Variants in CNTNAP5 observed in about 807,000 individuals in gnomAD.
CNTNAP5 encodes the protein contactin-associated protein-like 5.
CNTNAP5 carries 72 observed loss-of-function variants against 150.2 expected under a neutral mutation model. The ratio of observed to expected loss-of-function variants is 0.48; its 90% CI spans 0.40 to 0.58. CNTNAP5 has a LOEUF of 0.58. CNTNAP5 is among the 20% of genes least tolerant of loss of function. CNTNAP5 has a pLI of 0.00. For synonymous variants in CNTNAP5, 672 were observed against 619.8 expected, an observed-to-expected ratio of 1.08 and a Z score of -1.25; for missense variants, 1,636 against 1,626.2, an observed-to-expected ratio of 1.01 and a Z score of -0.10.
intron 11 of CNTNAP5, among the ~76,000 whole-genome samples, chr2:124,578,598 T>G (rs1052494033): frequency 6.6e-6 from 1 of 151,824 alleles, no homozygotes; most frequent in African/African-American, 2.4e-5. Flanking sequence ...CAGTGAAACT[T>G]TATCTCTACC....
intron 1 of CNTNAP5, among the ~76,000 whole-genome samples, chr2:124,072,496 A>C (rs942532782): frequency 2.0e-5 from 3 of 152,014 alleles, no homozygotes; most frequent in African/African-American, 7.2e-5. Context: ...TCACCAAGAA[A>C]ATTATTAGAA....
chr2:124,300,529 G>A (rs763947888), intron 3 of CNTNAP5, among the ~76,000 whole-genome samples: 6 of 152,140 alleles, frequency 3.9e-5, no homozygotes, highest in Non-Finnish European at 5.9e-5. Context: ...GAAGAAGAGC[G>A]TAAGAATCCT....
chr2:124,909,997 G>T (rs1216019815), intron 22 of CNTNAP5, among the ~76,000 whole-genome samples: 1 of 151,136 alleles, frequency 6.6e-6, no homozygotes, highest in Non-Finnish European at 1.5e-5. Flanking sequence ...CTGCTCCATG[G>T]CCAGCACCTT....
intron 3 of CNTNAP5, among the ~76,000 whole-genome samples, chr2:124,358,353 G>C (rs1366030732): frequency 3.9e-5 from 6 of 152,136 alleles, no homozygotes; most frequent in Non-Finnish European, 8.8e-5. Context: ...GAATAGGAGT[G>C]GTGAGAGAGG....
intron 11 of CNTNAP5, among the ~76,000 whole-genome samples, chr2:124,606,625 T>C (rs1428037225): frequency 6.6e-6 from 1 of 152,140 alleles, no homozygotes; most frequent in Non-Finnish European, 1.5e-5. Context: ...AGAGGTTTAA[T>C]TGGACTCACA....
At chr2:124,831,216 T>C (rs1682710307) in intron 19 of CNTNAP5, among the ~76,000 whole-genome samples, 1 of 152,022 alleles carries the variant, frequency 6.6e-6, no homozygotes, top group Non-Finnish European at 1.5e-5. Flanking sequence ...AGACCATTTA[T>C]GACATGCTTG....
intron 1 of CNTNAP5, among the ~76,000 whole-genome samples, chr2:124,132,143 T>C (rs762971433): frequency 7.9e-5 from 12 of 152,228 alleles, no homozygotes; most frequent in Admixed American, 5.2e-4. Flanking sequence ...GACAGTGCCA[T>C]TGGGTTTCAT....
intron 1 of CNTNAP5, among the ~76,000 whole-genome samples, chr2:124,206,496 G>A (rs1558800888): frequency 6.6e-6 from 1 of 152,136 alleles, no homozygotes; most frequent in Non-Finnish European, 1.5e-5. Flanking sequence ...CAGTGTTGGG[G>A]CATGTTTGCC....
chr2:124,799,050 T>A (rs1193862470), intron 19 of CNTNAP5, among the ~76,000 whole-genome samples: 3 of 152,188 alleles, frequency 2.0e-5, no homozygotes, highest in Non-Finnish European at 2.9e-5. Context: ...GATTATTTTT[T>A]AAATTTTATT....
At chr2:124,524,725 G>T (rs1240037781) in intron 9 of CNTNAP5, among the ~76,000 whole-genome samples, 2 of 152,164 alleles carry the variant, frequency 1.3e-5, no homozygotes, top group Non-Finnish European at 2.9e-5. Flanking sequence ...ACATCCAAAG[G>T]AGATTTTTGT....
intron 6 of CNTNAP5, among the ~76,000 whole-genome samples, chr2:124,450,327 T>C (rs984955872): frequency 1.3e-5 from 2 of 151,920 alleles, no homozygotes; most frequent in Non-Finnish European, 2.9e-5. Flanking sequence ...AATATAATTA[T>C]GCAAACCTAT....
intron 1 of CNTNAP5, among the ~76,000 whole-genome samples, chr2:124,139,741 A>C (rs1684063459): frequency 6.6e-6 from 1 of 152,136 alleles, no homozygotes; most frequent in Non-Finnish European, 1.5e-5. Flanking sequence ...ATTGTTATTA[A>C]TTATAGGGAA....
intron 3 of CNTNAP5, among the ~76,000 whole-genome samples, chr2:124,336,050 A>G (rs1333965302): frequency 7.3e-6 from 1 of 137,738 alleles, no homozygotes; most frequent in African/African-American, 2.6e-5. Flanking sequence ...TGAGGGAGAT[A>G]AAAAAAAAAC....
intron 1 of CNTNAP5, among the ~76,000 whole-genome samples, chr2:124,208,470 G>C (rs534493976): frequency 6.6e-6 from 1 of 152,286 alleles, no homozygotes; most frequent in South Asian, 2.1e-4. Flanking sequence ...TTTTGTGAGA[G>C]TAATAGCATG....
rs983250367 is a variant in CNTNAP5 at position 124,919,040 on chromosome 2, C to T, written c.*4752C>T. Among the ~76,000 whole-genome samples, 9 of 152,078 alleles carry T rather than the reference C, an allele frequency of 5.9e-5. No homozygotes were observed. Among genetic ancestry groups the T allele is most frequent in the African/African-American group, 2.2e-4 (9 of 41,424 alleles). On this transcript the variant is annotated 3_prime_UTR_variant, in exon 24 of 24. Coordinates refer to ENST00000682447, the MANE Select transcript of CNTNAP5 (RefSeq NM_001367498.1). ...ATAGTCTTGTTTGTGGAACCATCTA[C>T]TCTGCAGATTTTTATTGTCTCTAAT... is the stretch of plus-strand genomic sequence containing the variant.
At chr2:124,344,875 G>C (rs1052369140) in intron 3 of CNTNAP5, among the ~76,000 whole-genome samples, 1 of 152,102 alleles carries the variant, frequency 6.6e-6, no homozygotes, top group African/African-American at 2.4e-5. Flanking sequence ...CATGACTGTT[G>C]GGCTCCCAAG....
intron 12 of CNTNAP5, among the ~76,000 whole-genome samples, chr2:124,644,860 A>G (rs2105024463): frequency 6.6e-6 from 1 of 152,080 alleles, no homozygotes; most frequent in East Asian, 1.9e-4. Flanking sequence ...GTTTGAAGCT[A>G]AGGGTTGTGA....
intron 19 of CNTNAP5, among the ~76,000 whole-genome samples, chr2:124,815,682 G>T (rs977662504): frequency 1.3e-5 from 2 of 151,892 alleles, no homozygotes; most frequent in African/African-American, 2.4e-5. Context: ...TGAAAATAGC[G>T]TCATGAAAAT....
intron 19 of CNTNAP5, among the ~76,000 whole-genome samples, chr2:124,823,987 C>T (rs543741490): frequency 2.0e-5 from 3 of 149,968 alleles, no homozygotes; most frequent in East Asian, 2.0e-4. Flanking sequence ...GGCGGGATCT[C>T]GGCTCACTTC....
Sources: allele counts gnomAD v4.1 joint callset (sites outside exome capture counted in the v4.1 genomes callset), GRCh38; gene constraint gnomAD v4.1.1; transcripts MANE v1.5; gene names NCBI Gene and HGNC (gene_info 2026-07-23, HGNC 2026-07-21).